Variants in CDH3 observed in about 807,000 individuals in gnomAD.
The protein encoded by CDH3 is cadherin-3.
In CDH3, 54 loss-of-function variants were observed where a neutral mutation model predicts 82.0. The ratio of observed to expected loss-of-function variants is 0.66; its 90% CI spans 0.53 to 0.83. The LOEUF (loss-of-function observed/expected upper bound fraction) is 0.83. CDH3 is among the 40% of genes least tolerant of loss of function. The pLI, the probability that CDH3 is intolerant of heterozygous loss-of-function variation, is 0.00. For synonymous variants in CDH3, 446 were observed against 437.9 expected (o/e 1.02, Z -0.23); for missense variants, 1,054 against 1,084.6 (o/e 0.97, Z 0.40).
At chr16:68,658,054 T>TTTTC (rs1437410079) in intron 2 of CDH3, among the ~76,000 whole-genome samples, 2 of 148,048 alleles carry the variant, frequency 1.4e-5, no homozygotes, top group African/African-American at 5.1e-5. Context: ...CTCCCAGTCT[T>TTTTC]TTTCTTTCTT....
At chr16:68,715,903 C>G (rs1432959062) in intron 1 of CDH3, among the ~76,000 whole-genome samples, 2 of 152,202 alleles carry the variant, frequency 1.3e-5, no homozygotes, top group Non-Finnish European at 2.9e-5. Flanking sequence ...TGGAGAAGTT[C>G]ATCTTAAAGA....
At chr16:68,721,344 C>A (rs997329252) in intron 1 of CDH3, among the ~76,000 whole-genome samples, 1 of 151,524 alleles carries the variant, frequency 6.6e-6, no homozygotes. Flanking sequence ...AGCAATTCTC[C>A]TGCCTCAGCC....
chr16:68,664,497 C>T (rs183748963), intron 2 of CDH3, among the ~76,000 whole-genome samples: 13 of 152,154 alleles, frequency 8.5e-5, no homozygotes, highest in South Asian at 6.2e-4. Flanking sequence ...GGTGGGCGGT[C>T]GGCAGGGAAT....
chr16:68,715,625 C>T (rs988141765), intron 1 of CDH3, among the ~76,000 whole-genome samples: 10 of 152,112 alleles, frequency 6.6e-5, no homozygotes, highest in African/African-American at 1.7e-4. Flanking sequence ...ACTCATAAAG[C>T]GTTCTTGGTG....
intron 1 of CDH3, among the ~76,000 whole-genome samples, chr16:68,715,259 C>G (rs1171555742): frequency 6.6e-6 from 1 of 151,858 alleles, no homozygotes; most frequent in Non-Finnish European, 1.5e-5. Flanking sequence ...AACCCCATCT[C>G]TACTAAAAAT....
At chr16:68,661,689 C>CT (rs1165240521) in intron 2 of CDH3, among the ~76,000 whole-genome samples, 1 of 152,074 alleles carries the variant, frequency 6.6e-6, no homozygotes, top group Non-Finnish European at 1.5e-5. Flanking sequence ...TCACTAGTAA[C>CT]TTTTTTTGTT....
intron 15 of CDH3, 184 bp downstream of exon 15, chr16:68,696,107 C>T: frequency 1.4e-6 from 1 of 701,968 alleles, no homozygotes; most frequent in Non-Finnish European, 2.5e-6. Flanking sequence ...CCATAGAACT[C>T]ACTTGCAGAG....
chr16:68,716,620 CAAAAAAAA>C (rs563385107), intron 1 of CDH3, among the ~76,000 whole-genome samples: 1 of 103,200 alleles, frequency 9.7e-6, no homozygotes, highest in African/African-American at 4.1e-5. Flanking sequence ...GACTCCGGCT[CAAAAAAAA>C]AAAAAAAAAA....
chr16:68,695,805 G>A lies in CDH3; in HGVS notation c.2162G>A (p.Gly721Asp), dbSNP rs1242336678. The A allele has an allele frequency of 1.9e-6, 3 of 1,614,180 alleles. No individual in the cohort carries two copies. The South Asian group carries it at 3.3e-5, about 18-fold the overall frequency. ...QDYDITQLHR[G>D]LEARPEVVLR... ...TATGACATCACCCAGCTCCACCGAGGTCTGGAGGCCAGGCCGGAGGTGGTT... is the reference window on the plus strand; with the variant it reads ...TATGACATCACCCAGCTCCACCGAGATCTGGAGGCCAGGCCGGAGGTGGTT... The change falls in exon 15 of 16, where the codon GGT becomes GAT. Residue 721 changes from glycine (G) to aspartate (D), a missense_variant. Gly to Asp is a moderately conservative substitution (Grantham distance 94). Coordinates refer to ENST00000264012, the MANE Select transcript of CDH3 (RefSeq NM_001793.6).
At chr16:68,674,277 T>G (rs1164418877) in intron 2 of CDH3, among the ~76,000 whole-genome samples, 3 of 152,256 alleles carry the variant, frequency 2.0e-5, no homozygotes, top group African/African-American at 7.2e-5. Flanking sequence ...CATTTCCCTA[T>G]TAACTAATGA....
At chr16:68,658,701 T>C (rs1960475169) in intron 2 of CDH3, among the ~76,000 whole-genome samples, 1 of 152,086 alleles carries the variant, frequency 6.6e-6, no homozygotes, top group Non-Finnish European at 1.5e-5. Context: ...AGTCGCTTCA[T>C]CCAGGCTTCC....
intron 13 of CDH3, among the ~76,000 whole-genome samples, chr16:68,694,601 G>A (rs1307694946): frequency 2.8e-5 from 4 of 140,428 alleles, no homozygotes; most frequent in South Asian, 2.4e-4. Context: ...TAGCCTGGGC[G>A]ACAAGAGTGA....
chr16:68,686,753 A>C, intron 11 of CDH3: 1 of 662,688 alleles, frequency 1.5e-6, no homozygotes, highest in Non-Finnish European at 2.7e-6. Flanking sequence ...GAAACCTTTC[A>C]TCATGTAAAT....
At chr16:68,654,380 A>ATTTTTTTTTTTTTTTTTTTT (rs1176713669) in intron 2 of CDH3, among the ~76,000 whole-genome samples, 4 of 48,494 alleles carry the variant, frequency 8.2e-5, no homozygotes, top group African/African-American at 2.9e-4. Context: ...TTTTAAATTA[A>ATTTTTTTTTTTTTTTTTTTT]TTTTTTTTTT....
In CDH3 at chr16:68,687,602, C is replaced by T; in HGVS notation, c.1661C>T (p.Thr554Ile). ...CCAGTCCCTGAGCCCCGTCAGATCA[C>T]CATCTGCAACCAAAGCCCTGTGCGC... ...HGPVPEPRQI[T>I]ICNQSPVRQV... The change falls in exon 12 of 16, where the codon ACC becomes ATC. Residue 554 changes from threonine to isoleucine, a missense_variant. Transcript: ENST00000264012. The T allele has an allele frequency of 6.2e-7, 1 of 1,614,134 alleles. No homozygotes were observed. The highest frequency in any genetic ancestry group is 8.5e-7 in the Non-Finnish European group (1 of 1,179,992).
At chr16:68,690,241 G>A (rs1459354648) in intron 12 of CDH3, among the ~76,000 whole-genome samples, 1 of 152,202 alleles carries the variant, frequency 6.6e-6, no homozygotes. Flanking sequence ...GATCACTAAT[G>A]CTGTGATAAC....
rs1040143308 is a variant in CDH3, at chr16:68,707,202, G to A, written c.99+11279G>A. Among the ~76,000 whole-genome samples the A allele has an allele frequency of 1.3e-5, 2 of 152,214 alleles. No homozygotes were observed. Among genetic ancestry groups the A allele is most frequent in the Admixed American group, 1.3e-4 (2 of 15,278 alleles). On this transcript the variant is annotated intron_variant, in intron 1 of 2. Coordinates refer to the CDH3 transcript ENST00000569080. The surrounding 1 kb of genome is among the most constrained non-coding windows in gnomAD (Gnocchi z 4.5). ...TAGCAGGTTTCAGCAGGGTTTAGCA[G>A]GGAGGCCAGTGTGGCTGGAGCAGAG...
intron 2 of CDH3, among the ~76,000 whole-genome samples, chr16:68,672,479 C>T (rs1960913607): frequency 6.6e-6 from 1 of 152,166 alleles, no homozygotes; most frequent in African/African-American, 2.4e-5. Flanking sequence ...ATTATCGTTC[C>T]TGGTCCTTCT....
chr16:68,660,740 C>T (rs549582284), intron 2 of CDH3, among the ~76,000 whole-genome samples: 1 of 152,200 alleles, frequency 6.6e-6, no homozygotes, highest in African/African-American at 2.4e-5. Context: ...CGGCAGATCA[C>T]GAGGTCAGGA....
Sources: allele counts gnomAD v4.1 joint callset (sites outside exome capture counted in the v4.1 genomes callset), GRCh38; gene constraint gnomAD v4.1.1; non-coding constraint Gnocchi (gnomAD v3.1); transcripts MANE v1.5; gene names NCBI Gene and HGNC (gene_info 2026-07-23, HGNC 2026-07-21).